The following GAB2 variants were observed in gnomAD, a reference collection of about 807,000 sequenced individuals.
GAB2 encodes the protein GRB2-associated-binding protein 2.
A neutral mutation model predicts 65.5 loss-of-function variants in GAB2; 26 were observed. The ratio of observed to expected loss-of-function variants is 0.40; its 90% CI spans 0.29 to 0.55. The LOEUF is 0.55. Ranked by LOEUF, GAB2 falls within the 20% of genes least tolerant of loss-of-function variation. The pLI is 0.53. For missense variants in GAB2, 884 were observed against 875.8 expected (o/e 1.01, Z -0.12); for synonymous variants, 321 against 329.6 (o/e 0.97, Z 0.28).
chr11:78,398,043 T>C (rs1056232382), intron 1 of GAB2, among the ~76,000 whole-genome samples: 8 of 94,210 alleles, frequency 8.5e-5, no homozygotes, highest in African/African-American at 5.0e-4. Flanking sequence ...CACACACACA[T>C]CCCTGGCCTA....
chr11:78,225,803 G>C (rs1864625316), intron 4 of GAB2, among the ~76,000 whole-genome samples: 2 of 152,182 alleles, frequency 1.3e-5, no homozygotes, highest in Admixed American at 6.6e-5. Flanking sequence ...AGGAGGTTTT[G>C]TCCCACCAAC....
chr11:78,222,455 A>G (rs1336184189), intron 6 of GAB2, among the ~76,000 whole-genome samples: 2 of 151,520 alleles, frequency 1.3e-5, no homozygotes, highest in Non-Finnish European at 2.9e-5. Flanking sequence ...GTGGGGACAC[A>G]GGGTTTGACA....
intron 1 of GAB2, among the ~76,000 whole-genome samples, chr11:78,355,906 C>T (rs1193648901): frequency 1.3e-5 from 2 of 152,096 alleles, no homozygotes; most frequent in South Asian, 2.1e-4. Context: ...TGGCTCGTGG[C>T]TCATGCCTGT....
At chr11:78,408,449 T>C (rs1029822205) in intron 1 of GAB2, among the ~76,000 whole-genome samples, 3 of 151,950 alleles carry the variant, frequency 2.0e-5, no homozygotes, top group African/African-American at 7.3e-5. Flanking sequence ...CTAAAAAATA[T>C]TCAAGAAACT....
intron 1 of GAB2, among the ~76,000 whole-genome samples, chr11:78,403,465 G>A (rs900847771): frequency 2.6e-5 from 4 of 152,152 alleles, no homozygotes; most frequent in African/African-American, 9.7e-5. Context: ...TTTGACAAAG[G>A]TGCCAAGAAC....
At chr11:78,366,579 C>G (rs1272636498) in intron 1 of GAB2, among the ~76,000 whole-genome samples, 1 of 59,478 alleles carries the variant, frequency 1.7e-5, no homozygotes, top group Non-Finnish European at 3.0e-5. Flanking sequence ...GAGCAAGACT[C>G]CATCTCAAAA....
intron 1 of GAB2, among the ~76,000 whole-genome samples, chr11:78,335,892 C>T (rs933339099): frequency 2.0e-5 from 3 of 151,870 alleles, no homozygotes; most frequent in African/African-American, 7.3e-5. Context: ...TTTTCTGGTG[C>T]CTTCTTTAGT....
intron 3 of GAB2, among the ~76,000 whole-genome samples, chr11:78,230,168 G>GT: frequency 6.6e-6 from 1 of 152,342 alleles, no homozygotes; most frequent in South Asian, 2.1e-4. Context: ...ATAAACAAAC[G>GT]TATGTTGCTG....
intron 1 of GAB2, among the ~76,000 whole-genome samples, chr11:78,359,761 C>A (rs1856408835): frequency 6.6e-6 from 1 of 152,084 alleles, no homozygotes; most frequent in Non-Finnish European, 1.5e-5. Flanking sequence ...AGGAGTGATT[C>A]AAGTTTAGGT....
At chr11:78,345,753 GA>G (rs1856169796) in intron 1 of GAB2, among the ~76,000 whole-genome samples, 1 of 152,204 alleles carries the variant, frequency 6.6e-6, no homozygotes, top group Non-Finnish European at 1.5e-5. Flanking sequence ...AGCCCAGACT[GA>G]AATGCAAAGA....
intron 1 of GAB2, among the ~76,000 whole-genome samples, chr11:78,415,583 G>A (rs1017194375): frequency 3.9e-5 from 6 of 152,218 alleles, no homozygotes; most frequent in Admixed American, 2.6e-4. Context: ...AGTCATGTAA[G>A]TGAACACATC....
At position 78,339,841 on chromosome 11, in the gene GAB2, C is replaced by T. The variant is rs1320947698; in HGVS notation, c.76-58940G>A. Reference sequence around the variant, plus strand: ...CTCTGTTCATACAGAAAGCAAGAGCCTTTTGTTTCCTTTTGAAGACCTTAT... The same window carrying T: ...CTCTGTTCATACAGAAAGCAAGAGCTTTTTGTTTCCTTTTGAAGACCTTAT... On this transcript the variant is annotated intron_variant, in intron 1 of 9. Coordinates refer to ENST00000361507, the MANE Select transcript of GAB2 (RefSeq NM_080491.3). Among the ~76,000 whole-genome samples the T allele has an allele frequency of 2.0e-5, 3 of 152,206 alleles. No homozygotes were observed. In the East Asian group the frequency reaches 5.8e-4, roughly 29 times the overall value.
In GAB2 at chr11:78,309,929, T is replaced by C. The variant is rs1281501763; in HGVS notation, c.76-29028A>G. Reference sequence around the variant, plus strand: ...TTCACTTTGGGGAGGGTTAGAAATGTGTGTGTGTGTGTGTGTGTGTGTGTG... The same window carrying C: ...TTCACTTTGGGGAGGGTTAGAAATGCGTGTGTGTGTGTGTGTGTGTGTGTG... On this transcript the variant is annotated intron_variant, in intron 1 of 9. Coordinates refer to ENST00000361507, the MANE Select transcript of GAB2 (RefSeq NM_080491.3). Among the ~76,000 whole-genome samples, 3 of 4,318 alleles carry C rather than the reference T, an allele frequency of 6.9e-4. 1 individual carries two copies. The highest frequency in any genetic ancestry group is 7.4e-3 in the South Asian group (2 of 270). The allele number at this position is 4,318 out of a possible 152,430, so 2.8% of individuals were successfully genotyped here.
intron 1 of GAB2, among the ~76,000 whole-genome samples, chr11:78,413,932 T>C (rs911228406): frequency 4.0e-5 from 6 of 151,734 alleles, no homozygotes; most frequent in African/African-American, 1.5e-4. Flanking sequence ...CTACTAAAAA[T>C]ACAAAATTAG....
intron 1 of GAB2, among the ~76,000 whole-genome samples, chr11:78,311,468 G>A (rs755256193): frequency 1.3e-5 from 2 of 151,752 alleles, no homozygotes; most frequent in Non-Finnish European, 2.9e-5. Flanking sequence ...TTACAGAAAA[G>A]GAAGAATTTT....
intron 3 of GAB2, among the ~76,000 whole-genome samples, chr11:78,231,337 G>T (rs867244308): frequency 0.021 from 507 of 24,002 alleles, 7 homozygotes; most frequent in Middle Eastern, 0.12. Flanking sequence ...CGCGTGTGTG[G>T]TGTGTGTGTG....
At chr11:78,248,333 G>A (rs938043608) in intron 3 of GAB2, among the ~76,000 whole-genome samples, 1 of 152,126 alleles carries the variant, frequency 6.6e-6, no homozygotes. Flanking sequence ...TGGTGGTGGC[G>A]GCAATTGTTA....
At chr11:78,282,520 G>T (rs1235347299) in intron 1 of GAB2, among the ~76,000 whole-genome samples, 1 of 152,000 alleles carries the variant, frequency 6.6e-6, no homozygotes, top group Non-Finnish European at 1.5e-5. Flanking sequence ...TGTTGGCCAG[G>T]CTAGTCTCAA....
intron 1 of GAB2, among the ~76,000 whole-genome samples, chr11:78,342,201 A>G (rs1190735302): frequency 6.6e-6 from 1 of 152,220 alleles, no homozygotes; most frequent in East Asian, 1.9e-4. Flanking sequence ...AGTGAATGCT[A>G]TCAACGGATC....
Sources: gnomAD v4.1 joint callset for allele counts (sites outside exome capture counted in the v4.1 genomes callset) on GRCh38, gnomAD v4.1.1 for gene constraint, MANE v1.5 for transcripts, NCBI Gene and HGNC (gene_info 2026-07-23, HGNC 2026-07-21) for gene names.